The following PXK variants were observed in gnomAD, a reference collection of about 807,000 sequenced individuals.
PXK encodes PX domain-containing protein kinase-like protein.
In PXK, 35 loss-of-function variants were observed where a neutral mutation model predicts 84.7. That is an observed-to-expected ratio of 0.41 (90% confidence interval 0.32 to 0.55). PXK has a LOEUF of 0.55. Ranked by LOEUF, PXK falls within the 20% of genes least tolerant of loss-of-function variation. PXK has a pLI of 0.21. For synonymous variants in PXK, 253 were observed against 260.8 expected (o/e 0.97, Z 0.29); for missense variants, 634 against 699.7 (o/e 0.91, Z 1.06).
chr3:58,426,043 CAAGAT>C lies in PXK; in HGVS notation c.*1085_*1089del, dbSNP rs2062770249. ...AGAAAACGTGTTGTCTGTAGCTTGA[CAAGAT>C]ATTTCAAATGAGAACTTTTTGTAGC... is the stretch of plus-strand genomic sequence containing the variant. On this transcript the variant is annotated 3_prime_UTR_variant, in exon 18 of 18. Transcript: ENST00000356151. 1 of 152,150 alleles carries C rather than the reference CAAGAT, an allele frequency of 6.6e-6. No homozygotes were observed. Among genetic ancestry groups the C allele is most frequent in the Non-Finnish European group, 1.5e-5 (1 of 68,032 alleles). 9.4% of individuals were successfully genotyped at this position (152,150 alleles called of 1,614,324 possible). A position where few individuals can be genotyped will look rare whatever the true frequency, so the allele number is the denominator to read the frequency against.
intron 1 of PXK, among the ~76,000 whole-genome samples, chr3:58,354,447 A>AATTTTTT (rs1559898591): frequency 7.1e-6 from 1 of 141,312 alleles, no homozygotes. Context: ...GCTGCTTCCT[A>AATTTTTT]GTTTTTTTTT....
At chr3:58,392,356 A>G (rs1224050387) in intron 7 of PXK, among the ~76,000 whole-genome samples, 1 of 152,234 alleles carries the variant, frequency 6.6e-6, no homozygotes, top group Non-Finnish European at 1.5e-5. Context: ...AACCACGTTG[A>G]TATATTTCAA....
intron 1 of PXK, among the ~76,000 whole-genome samples, chr3:58,347,551 G>C (rs1317480335): frequency 2.0e-5 from 3 of 152,116 alleles, no homozygotes; most frequent in Non-Finnish European, 4.4e-5. Flanking sequence ...ATTCTTCTAT[G>C]ATGTTATATG....
intron 7 of PXK, 97 bp downstream of exon 7, chr3:58,391,944 G>T: frequency 8.8e-7 from 1 of 1,136,334 alleles, no homozygotes. Flanking sequence ...AACAGAATGG[G>T]GAGATACAGT....
chr3:58,346,655 TTTTTC>T (rs1008233286), intron 1 of PXK, among the ~76,000 whole-genome samples: 2 of 151,998 alleles, frequency 1.3e-5, no homozygotes, highest in Non-Finnish European at 2.9e-5. Flanking sequence ...TTATTTTTCT[TTTTTC>T]TTTTCTTTTT....
chr3:58,418,457 TG>T (rs2061326736), intron 17 of PXK, among the ~76,000 whole-genome samples: 1 of 152,204 alleles, frequency 6.6e-6, no homozygotes, highest in South Asian at 2.1e-4. Flanking sequence ...ATTGAGTGCC[TG>T]CTTTCTTCAG....
intron 6 of PXK, 111 bp downstream of exon 6, chr3:58,391,331 A>T: frequency 1.1e-6 from 1 of 911,000 alleles, no homozygotes; most frequent in South Asian, 1.6e-5. Context: ...GATGATGTAA[A>T]GGCTTCCTTG....
chr3:58,376,137 G>A (rs754717249), intron 3 of PXK, among the ~76,000 whole-genome samples: 5 of 152,084 alleles, frequency 3.3e-5, no homozygotes, highest in Non-Finnish European at 7.4e-5. Context: ...TAGCCTGGCC[G>A]GGCGTGGTGG....
In PXK at chr3:58,399,659, G is replaced by A. The variant is rs376556186; in HGVS notation, c.1181+282G>A. Among the ~76,000 whole-genome samples the A allele has an allele frequency of 1.3e-5, 2 of 152,102 alleles. No homozygotes were observed. Among genetic ancestry groups the A allele is most frequent in the African/African-American group, 2.4e-5 (1 of 41,432 alleles). On this transcript the variant is annotated intron_variant, in intron 12 of 17. Coordinates refer to ENST00000356151, the MANE Select transcript of PXK (RefSeq NM_017771.5). The surrounding 1 kb of genome is among the most constrained non-coding windows in gnomAD (Gnocchi z 4.3). ...GTACGTACATTAGCATTGGGTGTGC[G>A]TATGTGTCGCAGCCCCCAGCTTAGG...
At chr3:58,380,438 A>C (rs566056845) in intron 3 of PXK, among the ~76,000 whole-genome samples, 1 of 152,084 alleles carries the variant, frequency 6.6e-6, no homozygotes, top group Non-Finnish European at 1.5e-5. Flanking sequence ...ATCTCTTAAA[A>C]AAAAAAAAAA....
At chr3:58,349,439 T>C (rs1486527425) in intron 1 of PXK, among the ~76,000 whole-genome samples, 2 of 149,022 alleles carry the variant, frequency 1.3e-5, no homozygotes, top group Non-Finnish European at 3.0e-5. Context: ...CACTGCAACC[T>C]CTGCCTCCCC....
chr3:58,344,234 A>T (rs570722817), intron 1 of PXK, among the ~76,000 whole-genome samples: 1 of 152,266 alleles, frequency 6.6e-6, no homozygotes, highest in South Asian at 2.1e-4. Flanking sequence ...GTTGTTTATT[A>T]CTGTTGTATT....
rs1404277057 is a variant in PXK at position 58,378,503 on chromosome 3, T to C, written c.202-4011T>C. Reference sequence around the variant, plus strand: ...ACTTCATTTTTCTTCTTTTTTTTTTTTTTTTTTTTTGTGTGTGTGTGTGTG... The same window carrying C: ...ACTTCATTTTTCTTCTTTTTTTTTTCTTTTTTTTTTGTGTGTGTGTGTGTG... On this transcript the variant is annotated intron_variant, in intron 3 of 17. Coordinates refer to ENST00000356151, the MANE Select transcript of PXK (RefSeq NM_017771.5). 1.4e-4 allele frequency among the ~76,000 whole-genome samples: 11 copies of C among 80,736 alleles called. 1 individual carries two copies. Among genetic ancestry groups the C allele is most frequent in the African/African-American group, 4.1e-4 (9 of 21,782 alleles). The allele number at this position is 80,736 out of a possible 152,430, so 53.0% of individuals were successfully genotyped here. A position where few individuals can be genotyped will look rare whatever the true frequency, so the allele number is the denominator to read the frequency against.
intron 2 of PXK, among the ~76,000 whole-genome samples, chr3:58,368,271 T>C (rs144810213): frequency 0.014 from 2,155 of 152,072 alleles, 63 homozygotes; most frequent in African/African-American, 0.049. Flanking sequence ...TTGTGAGAGG[T>C]AGAGGGGCTA....
chr3:58,387,416 C>A (rs765788156), intron 4 of PXK, among the ~76,000 whole-genome samples: 10 of 152,152 alleles, frequency 6.6e-5, no homozygotes, highest in Non-Finnish European at 1.3e-4. Flanking sequence ...TGTATGCAGC[C>A]AGGAGGAAAG....
chr3:58,353,210 A>C (rs1048191803), intron 1 of PXK, among the ~76,000 whole-genome samples: 2 of 152,018 alleles, frequency 1.3e-5, no homozygotes, highest in Admixed American at 6.6e-5. Context: ...TGTTAGCCAG[A>C]ATGGTCTTGA....
chr3:58,340,971 TC>T lies in PXK; in HGVS notation c.102+7883del, dbSNP rs747753340. Among the ~76,000 whole-genome samples, 30 of 120,740 alleles carry T rather than the reference TC, an allele frequency of 2.5e-4. No homozygotes were observed. In the East Asian group the frequency reaches 3.4e-3, roughly 14 times the overall value. The allele number at this position is 120,740 out of a possible 152,430, so 79.2% of individuals were successfully genotyped here. A position where few individuals can be genotyped will look rare whatever the true frequency, so the allele number is the denominator to read the frequency against. Reference sequence around the variant, plus strand: ...ACCAGAGGGGGAGTAATAGAGTTTTTCCTTTTTTTTTTTTTTCCTTAAACTA... The same window carrying T: ...ACCAGAGGGGGAGTAATAGAGTTTTTCTTTTTTTTTTTTTTCCTTAAACTA... On this transcript the variant is annotated intron_variant, in intron 1 of 17. Coordinates refer to ENST00000356151, the MANE Select transcript of PXK (RefSeq NM_017771.5).
chr3:58,360,371 A>T (rs1185610285), intron 1 of PXK, among the ~76,000 whole-genome samples: 1 of 152,242 alleles, frequency 6.6e-6, no homozygotes, highest in Non-Finnish European at 1.5e-5. Flanking sequence ...TCAATTTTAA[A>T]ATGTAGTTAC....
At chr3:58,406,442 T>A (rs1464370606) in intron 13 of PXK, among the ~76,000 whole-genome samples, 1 of 151,850 alleles carries the variant, frequency 6.6e-6, no homozygotes, top group Non-Finnish European at 1.5e-5. Context: ...CACACCCTGC[T>A]AATTTTTTAA....
Sources: gnomAD v4.1 joint callset for allele counts (sites outside exome capture counted in the v4.1 genomes callset) on GRCh38, gnomAD v4.1.1 for gene constraint, Gnocchi (gnomAD v3.1) non-coding constraint, MANE v1.5 for transcripts, NCBI Gene and HGNC (gene_info 2026-07-23, HGNC 2026-07-21) for gene names.